Variants in WWOX observed in about 807,000 individuals in gnomAD.
WWOX encodes the protein WW domain containing oxidoreductase.
Under a neutral mutation model 46.2 loss-of-function variants are expected in WWOX, and 69 were observed. That is an observed-to-expected ratio of 1.49 (90% CI 1.23 to 1.82). WWOX has a LOEUF of 1.82. Ranked by LOEUF, WWOX falls within the 40% of genes most tolerant of loss-of-function variation. WWOX has a pLI of 0.00. For missense variants in WWOX, 919 were observed against 542.6 expected (o/e 1.69, Z -6.89); for synonymous variants, 359 against 202.6 (o/e 1.77, Z -6.56).
intron 8 of WWOX, among the ~76,000 whole-genome samples, chr16:78,824,495 G>A (rs1415596653): frequency 2.0e-5 from 3 of 152,158 alleles, no homozygotes; most frequent in African/African-American, 7.2e-5. Context: ...TTCAGGGCCT[G>A]TATTAGTTTG....
intron 8 of WWOX, among the ~76,000 whole-genome samples, chr16:78,755,915 C>T (rs973817053): frequency 2.6e-5 from 4 of 152,094 alleles, no homozygotes; most frequent in South Asian, 4.1e-4. Flanking sequence ...TTTGTCAGGA[C>T]GCTATGATGA....
chr16:78,977,885 A>C (rs1229882502), intron 8 of WWOX, among the ~76,000 whole-genome samples: 1 of 152,234 alleles, frequency 6.6e-6, no homozygotes, highest in Non-Finnish European at 1.5e-5. Flanking sequence ...CTACTTTTAA[A>C]AAATTGAGGT....
At chr16:78,758,856 G>A (rs2049721361) in intron 8 of WWOX, among the ~76,000 whole-genome samples, 1 of 150,192 alleles carries the variant, frequency 6.7e-6, no homozygotes. Flanking sequence ...ACCATTTGAA[G>A]ATTTTGTGTT....
rs74618406 is a variant in WWOX, at chr16:78,919,018, G to C, written c.1057-292590G>C. Among the ~76,000 whole-genome samples, 3 of 152,114 alleles carry C rather than the reference G, an allele frequency of 2.0e-5. No homozygotes were observed. The South Asian group carries it at 6.2e-4, about 32-fold the overall frequency. On this transcript the variant is annotated intron_variant, in intron 8 of 8. Transcript: ENST00000566780. Reference sequence around the variant, plus strand: ...GGAAATACAGTCGTGGTGTCAGGTAGTGTGTAACTTCGTTAAGTTCAGTCA... The same window carrying C: ...GGAAATACAGTCGTGGTGTCAGGTACTGTGTAACTTCGTTAAGTTCAGTCA...
chr16:78,598,912 T>A (rs1422110179), intron 8 of WWOX, among the ~76,000 whole-genome samples: 1 of 152,154 alleles, frequency 6.6e-6, no homozygotes, highest in Non-Finnish European at 1.5e-5. Flanking sequence ...AATAGCTCAC[T>A]CAGATTCCCG....
intron 8 of WWOX, among the ~76,000 whole-genome samples, chr16:79,180,152 C>T (rs910783823): frequency 6.6e-6 from 1 of 152,064 alleles, no homozygotes; most frequent in African/African-American, 2.4e-5. Context: ...GTCTTGGTCA[C>T]GGGTACATCA....
intron 8 of WWOX, among the ~76,000 whole-genome samples, chr16:78,683,750 G>A (rs966055316): frequency 6.6e-6 from 1 of 152,002 alleles, no homozygotes; most frequent in Non-Finnish European, 1.5e-5. Context: ...GGACTTGTGG[G>A]CATTTTCAAG....
intron 8 of WWOX, among the ~76,000 whole-genome samples, chr16:78,556,290 A>G (rs2044295285): frequency 1.3e-5 from 2 of 150,966 alleles, no homozygotes; most frequent in Non-Finnish European, 2.9e-5. Flanking sequence ...AAAATCCAAC[A>G]CAGAGACATG....
At chr16:78,668,708 C>A (rs1288802788) in intron 8 of WWOX, among the ~76,000 whole-genome samples, 1 of 152,060 alleles carries the variant, frequency 6.6e-6, no homozygotes, top group African/African-American at 2.4e-5. Context: ...TTGGAATCTA[C>A]ATGGGTGTTT....
intron 8 of WWOX, among the ~76,000 whole-genome samples, chr16:78,972,928 G>C (rs1597224137): frequency 6.6e-6 from 1 of 152,128 alleles, no homozygotes; most frequent in Admixed American, 6.5e-5. Flanking sequence ...CCGACCGAAG[G>C]GCTGAGTAAT....
intron 5 of WWOX, among the ~76,000 whole-genome samples, chr16:78,362,107 C>T (rs1236504154): frequency 1.3e-5 from 2 of 152,044 alleles, no homozygotes; most frequent in South Asian, 2.1e-4. Flanking sequence ...CTTCCTCACT[C>T]CCCACTTTTT....
At chr16:78,454,357 CGTGT>C (rs35670260) in intron 8 of WWOX, among the ~76,000 whole-genome samples, 91,962 of 146,902 alleles carry the variant, frequency 0.63, 31,358 homozygotes, top group Non-Finnish European at 0.78. Flanking sequence ...TATGTATATT[CGTGT>C]GTGTGTGTGT....
At chr16:78,100,284 G>T in intron 1 of WWOX, 1 of 1,064,694 alleles carries the variant, frequency 9.4e-7, no homozygotes, top group Non-Finnish European at 1.2e-6. Flanking sequence ...GACCGGTATT[G>T]CTCAGTCATC....
At chr16:78,791,992 C>G (rs151268374) in intron 8 of WWOX, among the ~76,000 whole-genome samples, 56 of 152,250 alleles carry the variant, frequency 3.7e-4, no homozygotes, top group African/African-American at 1.3e-3. Flanking sequence ...GAGGAAATTT[C>G]TTTCAGAAGT....
At chr16:79,084,999 C>T (rs180687844) in intron 8 of WWOX, among the ~76,000 whole-genome samples, 2 of 151,228 alleles carry the variant, frequency 1.3e-5, no homozygotes, top group Non-Finnish European at 3.0e-5. Flanking sequence ...AATTATAGCT[C>T]ACCACAGCCT....
At chr16:78,806,771 G>A (rs1230689748) in intron 8 of WWOX, among the ~76,000 whole-genome samples, 1 of 152,174 alleles carries the variant, frequency 6.6e-6, no homozygotes, top group Non-Finnish European at 1.5e-5. Flanking sequence ...CAGGTTTGCA[G>A]TGAGAGGAAA....
rs554488724 is a variant in WWOX at position 78,684,281 on chromosome 16, T to G, written c.1056+251529T>G. ...CATGTATGATTGGACCTGCGGTCTG[T>G]CCAGGTGTACTCAGAGTGGGGAAGG... On this transcript the variant is annotated intron_variant, in intron 8 of 8. Coordinates refer to ENST00000566780, the MANE Select transcript of WWOX (RefSeq NM_016373.4). Among the ~76,000 whole-genome samples, 5 of 152,268 alleles carry G rather than the reference T, an allele frequency of 3.3e-5. No individual in the cohort carries two copies. In the East Asian group the frequency reaches 9.7e-4, roughly 29 times the overall value.
intron 8 of WWOX, among the ~76,000 whole-genome samples, chr16:78,876,719 A>G (rs564509565): frequency 9.2e-5 from 14 of 152,318 alleles, no homozygotes; most frequent in Non-Finnish European, 1.9e-4. Flanking sequence ...GGTTATTTAT[A>G]ACTGGATTTT....
intron 8 of WWOX, among the ~76,000 whole-genome samples, chr16:78,629,464 A>G (rs1447366595): frequency 6.6e-6 from 1 of 152,136 alleles, no homozygotes; most frequent in East Asian, 1.9e-4. Context: ...TCATTTCTCT[A>G]AAATAGAAAT....
Sources: allele counts gnomAD v4.1 joint callset (sites outside exome capture counted in the v4.1 genomes callset), GRCh38; gene constraint gnomAD v4.1.1; transcripts MANE v1.5; gene names NCBI Gene and HGNC (gene_info 2026-07-23, HGNC 2026-07-21).